The following SV2C variants were observed in gnomAD, a reference collection of about 807,000 sequenced individuals.
SV2C encodes the protein solute carrier family 22 member B3.
Under a neutral mutation model 79.7 loss-of-function variants are expected in SV2C, and 49 were observed. That is an observed-to-expected ratio of 0.61 (90% confidence interval 0.49 to 0.78). The LOEUF (loss-of-function observed/expected upper bound fraction) is 0.78, where lower values mean the gene tolerates loss of function less well. Among genes scored for constraint, SV2C ranks in the 30% least tolerant of loss-of-function variants. The pLI is 0.00. For synonymous variants in SV2C, 334 were observed against 333.2 expected (o/e 1.00, Z -0.03); for missense variants, 833 against 912.9 (o/e 0.91, Z 1.13).
rs189596140 is a variant in SV2C at position 76,125,480 on chromosome 5, T to C, written c.-101-6170T>C. 2.2e-3 allele frequency among the ~76,000 whole-genome samples: 338 copies of C among 152,302 alleles called. 2 individuals are homozygous for C. Among genetic ancestry groups the C allele is most frequent in the Non-Finnish European group, 4.1e-3 (278 of 68,034 alleles). ...AAAATGTATAATGAGAACTGCTCAC[T>C]GGTGTCATGCTGAGGGTGGGGAATT... On this transcript the variant is annotated intron_variant, in intron 1 of 12. Coordinates refer to ENST00000502798, the MANE Select transcript of SV2C (RefSeq NM_014979.4).
intron 4 of SV2C, among the ~76,000 whole-genome samples, chr5:76,262,696 G>C (rs1344376212): frequency 6.6e-6 from 1 of 152,174 alleles, no homozygotes; most frequent in Middle Eastern, 3.2e-3. Context: ...TTACCCAGTA[G>C]TCATTCAGGA....
At chr5:76,308,829 A>T (rs1374199252) in intron 12 of SV2C, among the ~76,000 whole-genome samples, 1 of 152,162 alleles carries the variant, frequency 6.6e-6, no homozygotes, top group African/African-American at 2.4e-5. Flanking sequence ...TAAGAAAAGT[A>T]TATCTATTCC....
the SV2C span, among the ~76,000 whole-genome samples, chr5:75,936,855 C>T: frequency 6.6e-6 from 1 of 152,294 alleles, no homozygotes; most frequent in South Asian, 2.1e-4. Flanking sequence ...AGCAGTGTGT[C>T]AAATGTTCGT....
the SV2C span, among the ~76,000 whole-genome samples, chr5:75,897,652 C>G: frequency 6.6e-6 from 1 of 152,300 alleles, no homozygotes; most frequent in Non-Finnish European, 1.5e-5. Context: ...TATAAATTAC[C>G]TTGGGCAGTA....
At chr5:76,152,640 G>A (rs1392367251) in intron 2 of SV2C, among the ~76,000 whole-genome samples, 1 of 152,204 alleles carries the variant, frequency 6.6e-6, no homozygotes, top group Non-Finnish European at 1.5e-5. Flanking sequence ...CCAGGGCAGA[G>A]GTGTGGTGGG....
chr5:76,033,689 C>A, the SV2C span, among the ~76,000 whole-genome samples: 1 of 152,144 alleles, frequency 6.6e-6, no homozygotes, highest in African/African-American at 2.4e-5. Context: ...CATGATGCCT[C>A]CAGCTTTGTT....
At chr5:75,944,015 T>C in the SV2C span, among the ~76,000 whole-genome samples, 1 of 152,182 alleles carries the variant, frequency 6.6e-6, no homozygotes, top group Admixed American at 6.6e-5. Context: ...AAAACAAAGA[T>C]AACTAATTCT....
chr5:76,036,797 G>A, the SV2C span, among the ~76,000 whole-genome samples: 1 of 152,186 alleles, frequency 6.6e-6, no homozygotes, highest in Non-Finnish European at 1.5e-5. Flanking sequence ...GGCCTGCCTT[G>A]CTAGATTGGG....
intron 3 of SV2C, among the ~76,000 whole-genome samples, chr5:76,198,900 A>C (rs1744349526): frequency 6.6e-6 from 1 of 152,128 alleles, no homozygotes; most frequent in Non-Finnish European, 1.5e-5. Flanking sequence ...CCCTCACCTC[A>C]AGTTGCTTAC....
the SV2C span, among the ~76,000 whole-genome samples, chr5:75,897,358 G>C: frequency 6.6e-6 from 1 of 151,732 alleles, no homozygotes. Flanking sequence ...TGTCAGGTTT[G>C]TCAAAGATCA....
chr5:76,222,112 T>C (rs1745083167), intron 4 of SV2C, among the ~76,000 whole-genome samples: 1 of 152,172 alleles, frequency 6.6e-6, no homozygotes, highest in Non-Finnish European at 1.5e-5. Flanking sequence ...TGGAAAGTGG[T>C]TTGACAGTTT....
At chr5:75,925,526 A>G in the SV2C span, among the ~76,000 whole-genome samples, 1 of 152,028 alleles carries the variant, frequency 6.6e-6, no homozygotes, top group South Asian at 2.1e-4. Context: ...TCCAATCTCC[A>G]TACACATAGA....
chr5:76,185,114 T>A (rs999369823), intron 2 of SV2C, among the ~76,000 whole-genome samples: 1 of 152,212 alleles, frequency 6.6e-6, no homozygotes, highest in Admixed American at 6.5e-5. Flanking sequence ...AGGTCAGTAG[T>A]TAAACCTTAA....
the SV2C span, among the ~76,000 whole-genome samples, chr5:76,070,676 T>G: frequency 6.6e-6 from 1 of 152,262 alleles, no homozygotes; most frequent in African/African-American, 2.4e-5. Context: ...TGTCAAGTTC[T>G]AGCCATCTTT....
intron 4 of SV2C, among the ~76,000 whole-genome samples, chr5:76,246,990 T>C (rs1208692756): frequency 3.3e-5 from 5 of 152,194 alleles, no homozygotes; most frequent in Non-Finnish European, 5.9e-5. Context: ...TCTTTGCTTT[T>C]CCTCTGAAAC....
intron 9 of SV2C, 29 bp from the exon 10 acceptor site, chr5:76,298,765 T>C: frequency 6.2e-7 from 1 of 1,609,488 alleles, no homozygotes. Context: ...AGTCATTGAT[T>C]GATATGAATT....
At chr5:76,138,491 A>G (rs532593589) in intron 2 of SV2C, among the ~76,000 whole-genome samples, 1 of 152,336 alleles carries the variant, frequency 6.6e-6, no homozygotes, top group African/African-American at 2.4e-5. Flanking sequence ...AGAAGATATC[A>G]CCTGTTTTTT....
chr5:76,255,439 TCC>T (rs1488446274), intron 4 of SV2C, among the ~76,000 whole-genome samples: 1 of 152,170 alleles, frequency 6.6e-6, no homozygotes, highest in Non-Finnish European at 1.5e-5. Context: ...CCCCAGAATG[TCC>T]ATGGTTGTCC....
intron 4 of SV2C, among the ~76,000 whole-genome samples, chr5:76,270,623 T>C (rs2972830): frequency 0.48 from 72,393 of 152,036 alleles, 17,583 homozygotes; most frequent in South Asian, 0.55. Context: ...CTTGGGGACA[T>C]ATCTAGCTGG....
Sources: gnomAD v4.1 joint callset for allele counts (sites outside exome capture counted in the v4.1 genomes callset) on GRCh38, gnomAD v4.1.1 for gene constraint, MANE v1.5 for transcripts, NCBI Gene and HGNC (gene_info 2026-07-23, HGNC 2026-07-21) for gene names.